EGLN2: variants seen among roughly 807,000 people sequenced by gnomAD.
EGLN2 encodes prolyl hydroxylase EGLN2.
A neutral mutation model predicts 38.2 loss-of-function variants in EGLN2; 15 were observed. That is an observed-to-expected ratio of 0.39 (90% CI 0.26 to 0.60). EGLN2 has a LOEUF of 0.60. EGLN2 is among the 20% of genes least tolerant of loss of function. The pLI is 0.50. For missense variants in EGLN2, 492 were observed against 570.4 expected (o/e 0.86, Z 1.40); for synonymous variants, 284 against 237.4 (o/e 1.20, Z -1.81).
At chr19:40,806,970 C>T (rs1017765283) in intron 3 of EGLN2, 168 bp from the exon 4 acceptor site, 15 of 1,114,542 alleles carry the variant, frequency 1.3e-5, no homozygotes, top group African/African-American at 3.1e-5. Context: ...GCTTCCTGCC[C>T]ATCTCCATGG....
chr19:40,807,595 T>C (rs1472552488), intron 5 of EGLN2, 44 bp downstream of exon 5: 1 of 1,595,980 alleles, frequency 6.3e-7, no homozygotes, highest in Non-Finnish European at 8.6e-7. Flanking sequence ...CTGTGGGCCC[T>C]CTTGGGCCTG....
At chr19:40,806,250 TTGGGGTA>T in intron 2 of EGLN2, 1 of 376,458 alleles carries the variant, frequency 2.7e-6, no homozygotes, top group Non-Finnish European at 5.0e-6. Context: ...GAGGTGGGGT[TTGGGGTA>T]TCTTGAAACA....
At position 40,800,999 on chromosome 19, in the gene EGLN2, G is replaced by A. The variant is rs761099207; in HGVS notation, c.427G>A (p.Glu143Lys). ...GCCCTGGGCCAGGCAAGAGAACCAG[G>A]AGGCAGAGCGGGAGGGTGGCATGAG... is the stretch of plus-strand genomic sequence containing the variant. ...KRPWARQENQ[E>K]AEREGGMSCS... The change falls in exon 2 of 6, where the codon GAG (glutamate) becomes AAG (lysine). Residue 143 changes from glutamate (E) to lysine (K), a missense_variant. Physicochemically the swap from Glu to Lys is moderately conservative, Grantham distance 56. Around this residue, in one of 2 missense-constraint regions of EGLN2, gnomAD observed 378 missense variants for 386.2 expected, o/e 0.98. Transcript: ENST00000303961. 1.5e-5 allele frequency: 24 copies of A among 1,612,898 alleles called. No homozygotes were observed. The South Asian group carries it at 2.0e-4, about 13-fold the overall frequency.
Position 40,806,594 on chromosome 19 carries a change from G to C in EGLN2, c.883G>C (p.Val295Leu). Residue 295 changes from valine to leucine, a missense_variant, in exon 3 of 6, where the codon GTA (valine) becomes CTA (leucine). Transcript: ENST00000303961. ...ACYPGNGLGYVRHVDNPHGDG... is the reference protein window; with the variant it reads ...ACYPGNGLGYLRHVDNPHGDG... ...TTACCCAGGCAACGGGCTCGGGTAC[G>C]TAAGGCACGTTGACAATCCCCACGG... 6.2e-7 allele frequency: 1 copy of C among 1,614,092 alleles called. No homozygotes were observed. Among genetic ancestry groups the C allele is most frequent in the Non-Finnish European group, 8.5e-7 (1 of 1,179,970 alleles).
intron 2 of EGLN2, chr19:40,805,860 T>G (rs2083297180): frequency 6.6e-6 from 1 of 152,538 alleles, no homozygotes; most frequent in South Asian, 2.1e-4. Context: ...TTACCCCTGC[T>G]GTACACATCA....
In EGLN2 at chr19:40,800,922, C is replaced by A; in HGVS notation, c.350C>A (p.Pro117His). 5 of 1,609,674 alleles carry A rather than the reference C, an allele frequency of 3.1e-6. No homozygotes were observed. Among genetic ancestry groups the A allele is most frequent in the Non-Finnish European group, 4.2e-6 (5 of 1,178,444 alleles). ...GCCCAGGGCGCACGGCCTGAGGCCC[C>A]CAAACGGAAATGGGCCGAGGATGGT... ...LAAQGARPEA[P>H]KRKWAEDGGD... is the part of the protein sequence containing the mutation. Residue 117 changes from proline (P) to histidine (H), a missense_variant, in exon 2 of 6, where the codon CCC (proline) becomes CAC (histidine). Around this residue, in one of 2 missense-constraint regions of EGLN2, gnomAD observed 378 missense variants for 386.2 expected, o/e 0.98. Coordinates refer to ENST00000303961, the MANE Select transcript of EGLN2 (RefSeq NM_080732.4).
chr19:40,799,703 G>T (rs1448189295), intron 1 of EGLN2: 1 of 152,092 alleles, frequency 6.6e-6, no homozygotes, highest in Non-Finnish European at 1.5e-5. Context: ...GGCCCCTCCC[G>T]TCGGTCAGTC....
chr19:40,807,698 ACCCCAACAGGAG>A (rs2083315726), intron 5 of EGLN2, 99 bp from the exon 6 acceptor site: 1 of 1,403,618 alleles, frequency 7.1e-7, no homozygotes, highest in South Asian at 1.2e-5. Flanking sequence ...CTCTCCTGGT[ACCCCAACAGGAG>A]CCCCATTTCT....
chr19:40,801,962 G>A (rs16974526), intron 2 of EGLN2, among the ~76,000 whole-genome samples: 3,637 of 152,168 alleles, frequency 0.024, 149 homozygotes, highest in African/African-American at 0.081. Flanking sequence ...CATTCACAGC[G>A]TGGACCTTGG....
chr19:40,807,797 T>C lies in EGLN2; in HGVS notation c.1169-12T>C. On this transcript the variant is annotated splice_polypyrimidine_tract_variant and intron_variant, in intron 5 of 5. Coordinates refer to ENST00000303961, the MANE Select transcript of EGLN2 (RefSeq NM_080732.4). ...TGATGACTCACTGTCTCCTGTCCCC[T>C]CTCACCCCCAGCATCAGGACAGAAA... The C allele has an allele frequency of 6.2e-7, 1 of 1,613,886 alleles. No homozygotes were observed. Among genetic ancestry groups the C allele is most frequent in the Non-Finnish European group, 8.5e-7 (1 of 1,179,914 alleles).
intron 5 of EGLN2, 96 bp downstream of exon 5, chr19:40,807,647 C>G (rs778464176): frequency 2.0e-6 from 3 of 1,481,508 alleles, no homozygotes; most frequent in Non-Finnish European, 2.8e-6. Flanking sequence ...TTAAATCCCA[C>G]CACTCATTTT....
In EGLN2 at chr19:40,808,376, G is replaced by T. The variant is rs2083321378; in HGVS notation, c.*512G>T. The T allele has an allele frequency of 5.0e-6, 2 of 403,222 alleles. No individual in the cohort carries two copies. Among genetic ancestry groups the T allele is most frequent in the Non-Finnish European group, 8.8e-6 (2 of 228,110 alleles). The allele number at this position is 403,222 out of a possible 1,614,324, so 25.0% of individuals were successfully genotyped here. On this transcript the variant is annotated 3_prime_UTR_variant, in exon 6 of 6. Coordinates refer to ENST00000303961, the MANE Select transcript of EGLN2 (RefSeq NM_080732.4). ...TGGGCAGAGTAAAAGGTGCCAGGAG[G>T]AGCATGGGTGTGGAAGTCCTGTCAG...
Position 40,799,197 on chromosome 19 carries a change from T to TGGCGCGCTGTGC in EGLN2, c.-294_-283dup, listed in dbSNP as rs2083230957. The TGGCGCGCTGTGC allele has an allele frequency of 1.4e-5, 2 of 147,532 alleles. No individual in the cohort carries two copies. Among genetic ancestry groups the TGGCGCGCTGTGC allele is most frequent in the African/African-American group, 4.9e-5 (2 of 40,462 alleles). 9.1% of individuals were successfully genotyped at this position (147,532 alleles called of 1,614,324 possible). Reference sequence around the variant, plus strand: ...CGTCGCGCGCGGTGGGGGCGGGGTATGGCGCGCTGTGCGGCGCAGGGCGGC... The same window carrying TGGCGCGCTGTGC: ...CGTCGCGCGCGGTGGGGGCGGGGTATGGCGCGCTGTGCGGCGCGCTGTGCGGCGCAGGGCGGC... On this transcript the variant is annotated 5_prime_UTR_variant, in exon 1 of 6. Coordinates refer to ENST00000303961, the MANE Select transcript of EGLN2 (RefSeq NM_080732.4).
chr19:40,807,228 T>C lies in EGLN2; in HGVS notation c.1054T>C (p.Ser352Pro). ...CTTTGACCGGTTGCTCATTTTCTGG[T>C]CTGACCGGCGGAACCCCCACGAGGT... ...PLFDRLLIFW[S>P]DRRNPHEVKP... Residue 352 changes from serine to proline, a missense_variant, in exon 4 of 6, where the codon TCT becomes CCT. Physicochemically the swap from Ser to Pro is moderately conservative, Grantham distance 74. Around this residue, in one of 2 missense-constraint regions of EGLN2, gnomAD observed 114 missense variants for 184.2 expected, o/e 0.62. Coordinates refer to ENST00000303961, the MANE Select transcript of EGLN2 (RefSeq NM_080732.4). 1 of 1,614,160 alleles carries C rather than the reference T, an allele frequency of 6.2e-7. No homozygotes were observed. Among genetic ancestry groups the C allele is most frequent in the Non-Finnish European group, 8.5e-7 (1 of 1,179,996 alleles).
Position 40,800,541 on chromosome 19 carries a change from C to G in EGLN2, c.-32C>G, listed in dbSNP as rs748746786. ...TGGCACCATGGGCCCGGGCGGTGCC[C>G]TCCATGCCCGGGGGATGAAGACACT... On this transcript the variant is annotated 5_prime_UTR_variant, in exon 2 of 6. Coordinates refer to ENST00000303961, the MANE Select transcript of EGLN2 (RefSeq NM_080732.4). 6.5e-7 allele frequency: 1 copy of G among 1,546,840 alleles called. No homozygotes were observed. Among genetic ancestry groups the G allele is most frequent in the Non-Finnish European group, 8.7e-7 (1 of 1,146,178 alleles).
At chr19:40,802,830 C>T (rs2083272525) in intron 2 of EGLN2, among the ~76,000 whole-genome samples, 1 of 152,254 alleles carries the variant, frequency 6.6e-6, no homozygotes, top group African/African-American at 2.4e-5. Flanking sequence ...ATGGCACGGG[C>T]AGTGTTGTGC....
intron 1 of EGLN2, chr19:40,799,756 G>C (rs1050927137): frequency 6.6e-6 from 1 of 152,082 alleles, no homozygotes; most frequent in Non-Finnish European, 1.5e-5. Flanking sequence ...GCCCCCGGCC[G>C]GCTTCCTCCC....
chr19:40,808,395 C>T lies in EGLN2; in HGVS notation c.*531C>T. ...CAGGAGGAGCATGGGTGTGGAAGTCCTGTCAGCCAAGAAATAAAAGTTTAC... is the reference window on the plus strand; with the variant it reads ...CAGGAGGAGCATGGGTGTGGAAGTCTTGTCAGCCAAGAAATAAAAGTTTAC... On this transcript the variant is annotated 3_prime_UTR_variant, in exon 6 of 6. Transcript: ENST00000303961. The T allele has an allele frequency of 2.5e-6, 1 of 399,608 alleles. No homozygotes were observed. Among genetic ancestry groups the T allele is most frequent in the Non-Finnish European group, 4.4e-6 (1 of 225,676 alleles). 24.8% of individuals were successfully genotyped at this position (399,608 alleles called of 1,614,324 possible). A position where few individuals can be genotyped will look rare whatever the true frequency, so the allele number is the denominator to read the frequency against.
In EGLN2 at chr19:40,800,930, A is replaced by C. The variant is rs750991647; in HGVS notation, c.358A>C (p.Lys120Gln). 19 of 1,609,918 alleles carry C rather than the reference A, an allele frequency of 1.2e-5. No homozygotes were observed. The highest frequency in any genetic ancestry group is 2.7e-5 in the African/African-American group (2 of 74,904). ...QGARPEAPKR[K>Q]WAEDGGDAPS... ...CGCACGGCCTGAGGCCCCCAAACGGAAATGGGCCGAGGATGGTGGGGATGC... is the reference window on the plus strand; with the variant it reads ...CGCACGGCCTGAGGCCCCCAAACGGCAATGGGCCGAGGATGGTGGGGATGC... Residue 120 changes from lysine to glutamine, a missense_variant, in exon 2 of 6, where the codon AAA (lysine) becomes CAA (glutamine). By Grantham distance (53) the Lys-to-Gln change is moderately conservative (BLOSUM62 1). Transcript: ENST00000303961.
Sources: gnomAD v4.1 joint callset for allele counts (sites outside exome capture counted in the v4.1 genomes callset) on GRCh38, gnomAD v4.1.1 for gene constraint, gnomAD v4.1.1 regional missense constraint, MANE v1.5 for transcripts, NCBI Gene and HGNC (gene_info 2026-07-23, HGNC 2026-07-21) for gene names.